The following KIF13A variants were observed in gnomAD, a reference collection of about 807,000 sequenced individuals.
The protein encoded by KIF13A is kinesin family member 13A.
A neutral mutation model predicts 212.2 loss-of-function variants in KIF13A; 79 were observed. The observed-to-expected ratio is 0.37, with a 90% confidence interval of 0.31 to 0.45. KIF13A has a LOEUF of 0.45. Ranked by LOEUF, KIF13A falls within the 20% of genes least tolerant of loss-of-function variation. KIF13A has a pLI of 1.00. For synonymous variants in KIF13A, 789 were observed against 808.6 expected, an observed-to-expected ratio of 0.98 and a Z score of 0.41; for missense variants, 1,901 against 2,209.0, an observed-to-expected ratio of 0.86 and a Z score of 2.79.
chr6:17,879,667 T>C (rs544219540), intron 3 of KIF13A, among the ~76,000 whole-genome samples: 49 of 152,362 alleles, frequency 3.2e-4, no homozygotes, highest in Non-Finnish European at 2.9e-4. Flanking sequence ...AGAAAAATTA[T>C]GGCCGTTACT....
chr6:17,975,659 G>A (rs545155774), intron 2 of KIF13A, among the ~76,000 whole-genome samples: 19 of 152,160 alleles, frequency 1.2e-4, no homozygotes, highest in Non-Finnish European at 2.4e-4. Context: ...GATTGGTAGA[G>A]CCCAGAGGTC....
At chr6:17,845,646 G>A (rs546474494) in intron 9 of KIF13A, among the ~76,000 whole-genome samples, 2 of 152,350 alleles carry the variant, frequency 1.3e-5, no homozygotes, top group South Asian at 4.1e-4. Context: ...CAGCAAAGCT[G>A]AAGCAGCCAG....
At position 17,773,624 on chromosome 6, in the gene KIF13A, C is replaced by A; in HGVS notation, c.4219-41G>T. 1 of 1,160,268 alleles carries A rather than the reference C, an allele frequency of 8.6e-7. No homozygotes were observed. 71.9% of individuals were successfully genotyped at this position (1,160,268 alleles called of 1,614,324 possible). ...ATGGGTTAACTGTAATTGAATCACT[C>A]CAAAATAAGAAATAAAGCCCAGGTT... is the stretch of plus-strand genomic sequence containing the variant. On this transcript the variant is annotated intron_variant, in intron 35 of 38. Transcript: ENST00000259711. The surrounding 1 kb of genome is among the most constrained non-coding windows in gnomAD (Gnocchi z 4.2).
intron 7 of KIF13A, 66 bp downstream of exon 7, chr6:17,851,889 T>C: frequency 2.6e-6 from 2 of 761,680 alleles, no homozygotes; most frequent in Non-Finnish European, 4.0e-6. Context: ...TAAAATATAC[T>C]CAGTATCACT....
intron 7 of KIF13A, among the ~76,000 whole-genome samples, chr6:17,851,412 T>C (rs995554547): frequency 2.6e-5 from 4 of 152,310 alleles, no homozygotes; most frequent in South Asian, 2.1e-4. Flanking sequence ...GCAACAGAGA[T>C]AGCAGTTTGT....
Position 17,837,035 on chromosome 6 carries a change from G to A in KIF13A, c.998C>T (p.Ala333Val), listed in dbSNP as rs1241822646. 6.2e-7 allele frequency: 1 copy of A among 1,613,968 alleles called. No homozygotes were observed. The highest frequency in any genetic ancestry group is 1.1e-5 in the South Asian group (1 of 91,080). The change falls in exon 11 of 39, where the codon GCA (alanine) becomes GTA (valine). Residue 333 changes from alanine to valine, a missense_variant. Ala to Val is a moderately conservative substitution (Grantham distance 64). Coordinates refer to ENST00000259711, the MANE Select transcript of KIF13A (RefSeq NM_022113.6). This position sits in a 1 kb window ranked among gnomAD's most constrained non-coding sequence, Gnocchi z 5.4. ...GGAGAGGGTCTCTTCATAGTTGTCTGCGGCTGGGCTGATTGTGGCTATCAT... is the reference window on the plus strand; with the variant it reads ...GGAGAGGGTCTCTTCATAGTTGTCTACGGCTGGGCTGATTGTGGCTATCAT... ...TSMIATISPA[A>V]DNYEETLSTL... is the part of the protein sequence containing the mutation.
At position 17,811,080 on chromosome 6, in the gene KIF13A, C is replaced by T. The variant is rs1431210423; in HGVS notation, c.2001-2150G>A. Among the ~76,000 whole-genome samples, 2 of 152,226 alleles carry T rather than the reference C, an allele frequency of 1.3e-5. No individual in the cohort carries two copies. The highest frequency in any genetic ancestry group is 2.9e-5 in the Non-Finnish European group (2 of 68,050). ...TTGCTTCTCATCTGTTCATGCCAAT[C>T]TGCCCACCCAAAATGTCCTTCTTAC... is the stretch of plus-strand genomic sequence containing the variant. On this transcript the variant is annotated intron_variant, in intron 17 of 38. Coordinates refer to ENST00000259711, the MANE Select transcript of KIF13A (RefSeq NM_022113.6). This position sits in a 1 kb window ranked among gnomAD's most constrained non-coding sequence, Gnocchi z 6.0.
chr6:17,876,623 G>GCATTCATTCATT (rs56349524), intron 3 of KIF13A, among the ~76,000 whole-genome samples: 1,718 of 150,752 alleles, frequency 0.011, 18 homozygotes, highest in African/African-American at 0.026. Flanking sequence ...GTGTGAGACA[G>GCATTCATTCATT]CATTCATTCA....
At chr6:17,853,210 C>T (rs1223344095) in intron 6 of KIF13A, among the ~76,000 whole-genome samples, 1 of 152,254 alleles carries the variant, frequency 6.6e-6, no homozygotes, top group East Asian at 1.9e-4. Flanking sequence ...GCTTTACCAC[C>T]TTTATTTTAA....
intron 6 of KIF13A, among the ~76,000 whole-genome samples, chr6:17,852,893 G>T (rs1767795270): frequency 6.6e-6 from 1 of 152,174 alleles, no homozygotes; most frequent in African/African-American, 2.4e-5. Flanking sequence ...TTCTGCTAAT[G>T]AAAATTTTAA....
In KIF13A at chr6:17,772,770, A is replaced by G. The variant is rs980629364; in HGVS notation, c.4324+708T>C. Among the ~76,000 whole-genome samples the G allele has an allele frequency of 1.3e-5, 2 of 151,930 alleles. No homozygotes were observed. The highest frequency in any genetic ancestry group is 2.9e-5 in the Non-Finnish European group (2 of 67,978). On this transcript the variant is annotated intron_variant, in intron 36 of 38. Coordinates refer to ENST00000259711, the MANE Select transcript of KIF13A (RefSeq NM_022113.6). The surrounding 1 kb of genome is among the most constrained non-coding windows in gnomAD (Gnocchi z 4.8). Reference sequence around the variant, plus strand: ...AAAGTAGAGGCTCAATAAATATTCAATGAATTAATACTGTGTAAATTTTCT... The same window carrying G: ...AAAGTAGAGGCTCAATAAATATTCAGTGAATTAATACTGTGTAAATTTTCT...
Position 17,967,135 on chromosome 6 carries a change from T to C in KIF13A, c.146+19919A>G, listed in dbSNP as rs1779399467. Reference sequence around the variant, plus strand: ...CTTTGGTGAAGGAAAATGTTAAAGATAAAGCAAAACAGAAAATTTCAACAA... The same window carrying C: ...CTTTGGTGAAGGAAAATGTTAAAGACAAAGCAAAACAGAAAATTTCAACAA... On this transcript the variant is annotated intron_variant, in intron 2 of 38. Transcript: ENST00000259711. The surrounding 1 kb of genome is among the most constrained non-coding windows in gnomAD (Gnocchi z 4.1). Among the ~76,000 whole-genome samples, 1 of 152,204 alleles carries C rather than the reference T, an allele frequency of 6.6e-6. No individual in the cohort carries two copies. The highest frequency in any genetic ancestry group is 2.1e-4 in the South Asian group (1 of 4,834).
chr6:17,895,334 A>G lies in KIF13A; in HGVS notation c.159+2834T>C, dbSNP rs1249555811. ...CTTGTCATGTACCTCCTTAACTTTG[A>G]TGGTGTATTGGACATTGTATTTTTA... On this transcript the variant is annotated intron_variant, in intron 3 of 38. Coordinates refer to ENST00000259711, the MANE Select transcript of KIF13A (RefSeq NM_022113.6). This position sits in a 1 kb window ranked among gnomAD's most constrained non-coding sequence, Gnocchi z 4.4. Among the ~76,000 whole-genome samples, 1 of 152,104 alleles carries G rather than the reference A, an allele frequency of 6.6e-6. No individual in the cohort carries two copies. Among genetic ancestry groups the G allele is most frequent in the Non-Finnish European group, 1.5e-5 (1 of 68,022 alleles).
rs1473672953 is a variant in KIF13A, at chr6:17,987,231, G to A, written c.56-87C>T. ...CGCCAGCCGCGCCGAGCGGGGCTCCGTCCCTGGAGGCGGCCGAGCCTGGAG... is the reference window on the plus strand; with the variant it reads ...CGCCAGCCGCGCCGAGCGGGGCTCCATCCCTGGAGGCGGCCGAGCCTGGAG... On this transcript the variant is annotated intron_variant, in intron 1 of 38. Coordinates refer to ENST00000259711, the MANE Select transcript of KIF13A (RefSeq NM_022113.6). The surrounding 1 kb of genome is among the most constrained non-coding windows in gnomAD (Gnocchi z 7.7). 8.5e-6 allele frequency: 10 copies of A among 1,172,470 alleles called. No individual in the cohort carries two copies. The highest frequency in any genetic ancestry group is 7.1e-5 in the South Asian group (4 of 56,184). 72.6% of individuals were successfully genotyped at this position (1,172,470 alleles called of 1,614,324 possible). A position where few individuals can be genotyped will look rare whatever the true frequency, so the allele number is the denominator to read the frequency against.
chr6:17,920,305 C>T (rs1439668191), intron 2 of KIF13A, among the ~76,000 whole-genome samples: 1 of 152,138 alleles, frequency 6.6e-6, no homozygotes, highest in Non-Finnish European at 1.5e-5. Context: ...ACTTCTCCCC[C>T]ACTTACCAAA....
chr6:17,966,508 A>AC (rs201665296), intron 2 of KIF13A, among the ~76,000 whole-genome samples: 2 of 149,224 alleles, frequency 1.3e-5, no homozygotes, highest in South Asian at 2.1e-4. Context: ...AAAAAAAAAA[A>AC]CCCATGATTT....
intron 17 of KIF13A, among the ~76,000 whole-genome samples, chr6:17,814,634 T>C (rs1763766407): frequency 1.3e-5 from 2 of 152,150 alleles, no homozygotes; most frequent in Non-Finnish European, 2.9e-5. Context: ...ACTCTGTTTT[T>C]TTCACTTCCT....
At chr6:17,797,376 C>T (rs7341276) in intron 22 of KIF13A, among the ~76,000 whole-genome samples, 38,161 of 152,018 alleles carry the variant, frequency 0.25, 4,969 homozygotes, top group South Asian at 0.4. Context: ...AGCAAATTGT[C>T]CAAAGTCATA....
At chr6:17,962,109 G>A (rs1022809053) in intron 2 of KIF13A, among the ~76,000 whole-genome samples, 3 of 152,052 alleles carry the variant, frequency 2.0e-5, no homozygotes, top group Middle Eastern at 3.4e-3. Context: ...CGTGGATCAC[G>A]TGAACAACCT....
Sources: allele counts gnomAD v4.1 joint callset (sites outside exome capture counted in the v4.1 genomes callset), GRCh38; gene constraint gnomAD v4.1.1; non-coding constraint Gnocchi (gnomAD v3.1); transcripts MANE v1.5; gene names NCBI Gene and HGNC (gene_info 2026-07-23, HGNC 2026-07-21).